Variants in SLA observed in about 807,000 individuals in gnomAD.
SLA encodes src-like-adapter.
Under a neutral mutation model 30.3 loss-of-function variants are expected in SLA, and 16 were observed. That is an observed-to-expected ratio of 0.53 (90% CI 0.36 to 0.80). The LOEUF (loss-of-function observed/expected upper bound fraction) is 0.80, where lower values mean the gene tolerates loss of function less well. SLA is among the 30% of genes least tolerant of loss of function. The probability of loss-of-function intolerance (pLI) is 0.01; values close to 1 mark genes in which losing one functional copy is unlikely to be tolerated. For synonymous variants in SLA, 143 were observed against 137.8 expected, an observed-to-expected ratio of 1.04 and a Z score of -0.26; for missense variants, 310 against 345.2, an observed-to-expected ratio of 0.90 and a Z score of 0.81.
intron 3 of SLA, among the ~76,000 whole-genome samples, chr8:133,059,671 C>T (rs541539456): frequency 5.3e-5 from 8 of 152,048 alleles, no homozygotes; most frequent in South Asian, 2.1e-4. Flanking sequence ...CCAGCTCTTG[C>T]GGGGCTAAGT....
chr8:133,090,736 A>G (rs769326233), intron 1 of SLA, among the ~76,000 whole-genome samples: 8 of 152,106 alleles, frequency 5.3e-5, no homozygotes, highest in Non-Finnish European at 8.8e-5. Flanking sequence ...TAATATCTCC[A>G]TTTTACAGGT....
chr8:133,050,298 G>A (rs928683469), intron 4 of SLA: 5 of 407,906 alleles, frequency 1.2e-5, no homozygotes, highest in African/African-American at 1.0e-4. Flanking sequence ...TGTTTACTAT[G>A]TTGATTTATG....
intron 1 of SLA, chr8:133,096,300 T>C (rs998901877): frequency 1.2e-6 from 2 of 1,614,068 alleles, no homozygotes; most frequent in Non-Finnish European, 1.7e-6. Context: ...AAGAGGTCTT[T>C]ATGGGTAGAG....
chr8:133,092,658 T>G (rs941525360), intron 1 of SLA, among the ~76,000 whole-genome samples: 1 of 152,164 alleles, frequency 6.6e-6, no homozygotes, highest in East Asian at 1.9e-4. Flanking sequence ...CCAAGCCCAC[T>G]TCATCAGGGA....
intron 6 of SLA, among the ~76,000 whole-genome samples, chr8:133,045,804 G>A (rs545844205): frequency 6.6e-6 from 1 of 152,224 alleles, no homozygotes; most frequent in Admixed American, 6.5e-5. Context: ...ATCCATGGTC[G>A]TTTTTGGACT....
At chr8:133,095,132 C>T in intron 1 of SLA, 1 of 1,614,230 alleles carries the variant, frequency 6.2e-7, no homozygotes, top group Non-Finnish European at 8.5e-7. Flanking sequence ...GTCAGTTGCC[C>T]CATGTCATCC....
chr8:133,044,052 A>G (rs930016081), intron 7 of SLA, among the ~76,000 whole-genome samples: 1 of 152,096 alleles, frequency 6.6e-6, no homozygotes, highest in Admixed American at 6.5e-5. Context: ...GGGAGGGGGA[A>G]CTACTAGTGT....
intron 6 of SLA, among the ~76,000 whole-genome samples, chr8:133,045,958 C>G (rs1839303682): frequency 6.6e-6 from 1 of 152,194 alleles, no homozygotes; most frequent in Non-Finnish European, 1.5e-5. Context: ...CTGACTTATG[C>G]TTAGTCTTCT....
intron 2 of SLA, among the ~76,000 whole-genome samples, chr8:133,071,486 G>A (rs1231637456): frequency 1.3e-5 from 2 of 152,174 alleles, no homozygotes; most frequent in African/African-American, 4.8e-5. Context: ...AGAGGGTTAT[G>A]CTTGTCATAG....
chr8:133,062,847 G>A (rs1217666878), intron 2 of SLA, among the ~76,000 whole-genome samples: 2 of 152,200 alleles, frequency 1.3e-5, no homozygotes, highest in African/African-American at 2.4e-5. Flanking sequence ...CGCACAGGGT[G>A]TCTTACACAG....
At chr8:133,093,645 G>C (rs1847937694) in intron 1 of SLA, among the ~76,000 whole-genome samples, 1 of 152,112 alleles carries the variant, frequency 6.6e-6, no homozygotes, top group African/African-American at 2.4e-5. Context: ...CCTTGCCACT[G>C]GCTGAGATTC....
In SLA at chr8:133,070,029, A is replaced by AAAAAAAAAAAAC. The variant is rs376711807; in HGVS notation, c.-41+4823_-41+4824insGTTTTTTTTTTT. Among the ~76,000 whole-genome samples the AAAAAAAAAAAAC allele has an allele frequency of 8.5e-4, 93 of 109,792 alleles. 20 individuals carry two copies. Among genetic ancestry groups the AAAAAAAAAAAAC allele is most frequent in the Middle Eastern group, 5.7e-3 (1 of 174 alleles). 72.0% of individuals were successfully genotyped at this position (109,792 alleles called of 152,430 possible). ...AAAAAAAAAAAAAAAAAAAAAAAGA[A>AAAAAAAAAAAAC]AGAAAGAAAGAAAAGAAAAGAAGAA... On this transcript the variant is annotated intron_variant, in intron 2 of 8. Coordinates refer to ENST00000338087, the MANE Select transcript of SLA (RefSeq NM_001045556.3).
chr8:133,048,257 A>G (rs1014440383), intron 5 of SLA, among the ~76,000 whole-genome samples: 2 of 151,978 alleles, frequency 1.3e-5, no homozygotes, highest in Admixed American at 1.3e-4. Flanking sequence ...TCCCTGCTCT[A>G]TCACCCAGAC....
At chr8:133,058,404 C>T (rs1341492229) in intron 3 of SLA, among the ~76,000 whole-genome samples, 1 of 152,184 alleles carries the variant, frequency 6.6e-6, no homozygotes, top group Non-Finnish European at 1.5e-5. Context: ...CATAATGGAA[C>T]AAAATCAACT....
At chr8:133,048,825 T>G (rs1045024213) in intron 5 of SLA, 3 of 173,210 alleles carry the variant, frequency 1.7e-5, no homozygotes, top group East Asian at 3.2e-4. Context: ...GCATCTGGTA[T>G]TCACAATTAA....
At chr8:133,093,945 C>T (rs932899152) in intron 1 of SLA, among the ~76,000 whole-genome samples, 2 of 152,302 alleles carry the variant, frequency 1.3e-5, no homozygotes, top group African/African-American at 4.8e-5. Context: ...CCTCAATCCA[C>T]AGTGGTTGCT....
chr8:133,077,502 T>C (rs147551617), intron 1 of SLA, among the ~76,000 whole-genome samples: 267 of 152,270 alleles, frequency 1.8e-3, no homozygotes, highest in Non-Finnish European at 2.0e-3. Context: ...TTAGTAGGTT[T>C]GAGAAAGTGT....
intron 1 of SLA, chr8:133,095,355 C>T (rs1175008890): frequency 5.3e-6 from 6 of 1,134,624 alleles, no homozygotes; most frequent in Non-Finnish European, 6.5e-6. Context: ...CATTCCCTAG[C>T]CCCTAGAGCT....
chr8:133,058,592 G>A lies in SLA; in HGVS notation c.61+1508C>T, dbSNP rs576288298. 7.2e-5 allele frequency among the ~76,000 whole-genome samples: 11 copies of A among 152,272 alleles called. 1 individual carries two copies. The South Asian group carries it at 8.3e-4, about 11-fold the overall frequency. ...AGCCTGCCTGGGCTCAGGGCCCTGCGGTGTCAGTTTTCTAGCAGTGGTTAT... is the reference window on the plus strand; with the variant it reads ...AGCCTGCCTGGGCTCAGGGCCCTGCAGTGTCAGTTTTCTAGCAGTGGTTAT... On this transcript the variant is annotated intron_variant, in intron 3 of 8. Transcript: ENST00000338087.
Sources: gnomAD v4.1 joint callset for allele counts (sites outside exome capture counted in the v4.1 genomes callset) on GRCh38, gnomAD v4.1.1 for gene constraint, MANE v1.5 for transcripts, NCBI Gene and HGNC (gene_info 2026-07-23, HGNC 2026-07-21) for gene names.